Variants in MGAM2 observed in about 807,000 individuals in gnomAD.
MGAM2 encodes the protein maltase-glucoamylase 2 (putative), also known as probable maltase-glucoamylase 2.
In MGAM2, 98 loss-of-function variants were observed where a neutral mutation model predicts 96.1. The ratio of observed to expected loss-of-function variants is 1.02; its 90% CI spans 0.87 to 1.21. The LOEUF (loss-of-function observed/expected upper bound fraction) is 1.21, where lower values mean the gene tolerates loss of function less well. MGAM2 is among the 50% of genes most tolerant of loss of function. MGAM2 has a pLI of 0.00. For synonymous variants in MGAM2, 749 were observed against 414.8 expected, an observed-to-expected ratio of 1.81 and a Z score of -9.79; for missense variants, 2,055 against 1,182.4, an observed-to-expected ratio of 1.74 and a Z score of -10.82.
At chr7:142,165,868 G>A (rs528433200) in intron 24 of MGAM2, among the ~76,000 whole-genome samples, 11 of 152,312 alleles carry the variant, frequency 7.2e-5, no homozygotes, top group African/African-American at 2.6e-4. Flanking sequence ...AGTCCTGCCT[G>A]TGATCTGCAC....
At chr7:142,132,716 T>G (rs1407856373) in intron 6 of MGAM2, among the ~76,000 whole-genome samples, 8 of 125,648 alleles carry the variant, frequency 6.4e-5, no homozygotes, top group Non-Finnish European at 9.3e-5. Context: ...ATAATTAATA[T>G]TAATAATATT....
intron 46 of MGAM2, among the ~76,000 whole-genome samples, chr7:142,209,066 C>T (rs566117497): frequency 6.6e-6 from 1 of 152,226 alleles, no homozygotes; most frequent in South Asian, 2.1e-4. Context: ...CTTGGCTGAT[C>T]TTTGCTAGCT....
At position 142,115,738 on chromosome 7, in the gene MGAM2, G is replaced by A. The variant is rs191023816; in HGVS notation, c.1-1136G>A. ...CGCATGCCTGTAATCCCAGCTACTC[G>A]GGAGGCTGAGGCAGGAGAATTGGGT... On this transcript the variant is annotated intron_variant, in intron 1 of 47. Transcript: ENST00000477922. Among the ~76,000 whole-genome samples the A allele has an allele frequency of 3.6e-3, 545 of 152,184 alleles. 8 individuals are homozygous for A. The highest frequency in any genetic ancestry group is 0.012 in the African/African-American group (504 of 41,516).
chr7:142,118,742 A>C (rs1794459134), intron 2 of MGAM2, among the ~76,000 whole-genome samples: 2 of 152,220 alleles, frequency 1.3e-5, no homozygotes, highest in Admixed American at 6.5e-5. Flanking sequence ...AAGAAAAAAC[A>C]GTAAGAAAAA....
chr7:142,220,893 G>T lies in MGAM2; in HGVS notation c.6382G>T (p.Gly2128Cys), dbSNP rs865818183. ...VLIATTSSLT[G>C]TTDVSTSTTI... is the part of the protein sequence containing the mutation. ...TATTGCCACTACTTCTTCTCTAACAGGTACTACTGATGTTAGCACTAGTAC... is the reference window on the plus strand; with the variant it reads ...TATTGCCACTACTTCTTCTCTAACATGTACTACTGATGTTAGCACTAGTAC... Residue 2128 changes from glycine to cysteine, a missense_variant, in exon 48 of 48, where the codon GGT (glycine) becomes TGT (cysteine). By Grantham distance (159) the Gly-to-Cys change is radical (BLOSUM62 -3). Transcript: ENST00000477922. 1 of 701,786 alleles carries T rather than the reference G, an allele frequency of 1.4e-6. No homozygotes were observed. The highest frequency in any genetic ancestry group is 1.8e-5 in the African/African-American group (1 of 57,046). The allele number at this position is 701,786 out of a possible 1,614,324, so 43.5% of individuals were successfully genotyped here.
At chr7:142,196,352 C>A (rs535050049) in intron 38 of MGAM2, 65 bp downstream of exon 38, 1 of 673,978 alleles carries the variant, frequency 1.5e-6, no homozygotes, top group Admixed American at 2.1e-5. Flanking sequence ...TGCTGTTCAA[C>A]AGCACTGGTT....
intron 6 of MGAM2, 125 bp from the exon 7 acceptor site, chr7:142,133,856 A>G (rs1414635934): frequency 3.9e-6 from 2 of 513,778 alleles, no homozygotes; most frequent in Admixed American, 6.9e-5. Flanking sequence ...CTTCAAAGGT[A>G]GCAAGAAAAT....
At chr7:142,203,705 C>T (rs1371190454) in intron 45 of MGAM2, among the ~76,000 whole-genome samples, 1 of 152,026 alleles carries the variant, frequency 6.6e-6, no homozygotes, top group Non-Finnish European at 1.5e-5. Flanking sequence ...ACACCTACAA[C>T]CATCTAATCT....
intron 15 of MGAM2, among the ~76,000 whole-genome samples, chr7:142,153,631 A>C (rs985752909): frequency 2.0e-5 from 3 of 152,220 alleles, no homozygotes; most frequent in Non-Finnish European, 4.4e-5. Flanking sequence ...AGGATTATGC[A>C]TGGCAGAAAT....
rs575370147 is a variant in MGAM2, at chr7:142,211,057, G to A, written c.5187+2435G>A. On this transcript the variant is annotated intron_variant, in intron 46 of 47. Coordinates refer to ENST00000477922, the MANE Select transcript of MGAM2 (RefSeq NM_001293626.2). ...GATACCCAGGCAAACATGGTCTGGA[G>A]TGGACCTCCAGCAAACTCCAGCAGA... is the stretch of plus-strand genomic sequence containing the variant. Among the ~76,000 whole-genome samples the A allele has an allele frequency of 2.6e-5, 4 of 152,300 alleles. No homozygotes were observed. The East Asian group carries it at 5.8e-4, about 22-fold the overall frequency.
intron 15 of MGAM2, among the ~76,000 whole-genome samples, chr7:142,149,385 T>C (rs1438088004): frequency 6.6e-6 from 1 of 152,250 alleles, no homozygotes; most frequent in East Asian, 1.9e-4. Flanking sequence ...TTACAGTCTA[T>C]GCCAACACAT....
chr7:142,124,160 G>C lies in MGAM2; in HGVS notation c.186+3779G>C, dbSNP rs142631102. 7.7e-3 allele frequency among the ~76,000 whole-genome samples: 1,167 copies of C among 151,956 alleles called. 22 individuals are homozygous for C. Among genetic ancestry groups the C allele is most frequent in the African/African-American group, 0.026 (1,095 of 41,410 alleles). On this transcript the variant is annotated intron_variant, in intron 3 of 47. Coordinates refer to ENST00000477922, the MANE Select transcript of MGAM2 (RefSeq NM_001293626.2). ...GCTAATTTTTTGTATTTTTAGTAGA[G>C]ATGAGGTTTCACCATTTTTGTCAGG...
In MGAM2 at chr7:142,216,640, G is replaced by T. The variant is rs1021181290; in HGVS notation, c.5188-1721G>T. On this transcript the variant is annotated intron_variant, in intron 46 of 47. Coordinates refer to ENST00000477922, the MANE Select transcript of MGAM2 (RefSeq NM_001293626.2). The stretch of plus-strand genomic sequence containing the variant: ...CTTAACCAATTTCAAGCATCAGCTG[G>T]CTTGCAAAATTCTAGGAAATTTAAA... Among the ~76,000 whole-genome samples, 2 of 152,076 alleles carry T rather than the reference G, an allele frequency of 1.3e-5. 1 individual carries two copies. Among genetic ancestry groups the T allele is most frequent in the African/African-American group, 4.8e-5 (2 of 41,414 alleles).
intron 31 of MGAM2, among the ~76,000 whole-genome samples, chr7:142,174,715 C>CTTTTTTT (rs34480300): frequency 0.021 from 1,811 of 85,306 alleles, 269 homozygotes; most frequent in African/African-American, 0.04. Flanking sequence ...CTCTCTCTCT[C>CTTTTTTT]TTTTTTTTTT....
At chr7:142,128,999 C>A (rs769350285) in intron 3 of MGAM2, among the ~76,000 whole-genome samples, 8 of 152,200 alleles carry the variant, frequency 5.3e-5, no homozygotes, top group Non-Finnish European at 1.0e-4. Flanking sequence ...AATGCCAGCC[C>A]ATGAAAGCAG....
chr7:142,169,370 C>T (rs576355921), intron 26 of MGAM2, among the ~76,000 whole-genome samples: 81 of 151,762 alleles, frequency 5.3e-4, no homozygotes, highest in African/African-American at 1.5e-3. Context: ...CGCAGTAAGC[C>T]GAGATCGCAC....
chr7:142,140,739 G>A (rs1795196004), intron 10 of MGAM2, 63 bp from the exon 11 acceptor site: 3 of 631,922 alleles, frequency 4.7e-6, no homozygotes, highest in Non-Finnish European at 8.4e-6. Flanking sequence ...AACCAGAGCT[G>A]TAATACTTTC....
chr7:142,143,880 A>G lies in MGAM2; in HGVS notation c.1429A>G (p.Ile477Val), dbSNP rs1216744645. ...HDHLEFDGVWIEMNEVSSLLQ... is the reference protein window; with the variant it reads ...HDHLEFDGVWVEMNEVSSLLQ... The stretch of plus-strand genomic sequence containing the variant: ...TCATCTGGAGTTTGATGGAGTGTGG[A>G]TTGTAAGTTATTATTCCTGACTCAA... Residue 477 changes from isoleucine to valine, a missense_variant and splice_region_variant, in exon 13 of 48, where the codon ATT becomes GTT. Transcript: ENST00000477922. 1.6e-5 allele frequency: 11 copies of G among 702,572 alleles called. No homozygotes were observed. Among genetic ancestry groups the G allele is most frequent in the Admixed American group, 1.4e-4 (7 of 49,976 alleles). 43.5% of individuals were successfully genotyped at this position (702,572 alleles called of 1,614,324 possible).
Position 142,173,235 on chromosome 7 carries a change from G to A in MGAM2, c.3568G>A (p.Gly1190Ser). The A allele has an allele frequency of 1.4e-6, 1 of 702,832 alleles. No individual in the cohort carries two copies. Among genetic ancestry groups the A allele is most frequent in the South Asian group, 1.5e-5 (1 of 67,566 alleles). The allele number at this position is 702,832 out of a possible 1,614,324, so 43.5% of individuals were successfully genotyped here. Residue 1190 changes from glycine (G) to serine (S), a missense_variant, in exon 31 of 48, where the codon GGT becomes AGT. Physicochemically the swap from Gly to Ser is moderately conservative, Grantham distance 56 (BLOSUM62 0). Coordinates refer to ENST00000477922, the MANE Select transcript of MGAM2 (RefSeq NM_001293626.2). ...ATTTTTCTTTTTATTCTAGTTGATT[G>A]GTCGGCCAGCAATGATTCCATACTG... ...LVTQQYTELI[G>S]RPAMIPYWAL...
Sources: allele counts gnomAD v4.1 joint callset (sites outside exome capture counted in the v4.1 genomes callset), GRCh38; gene constraint gnomAD v4.1.1; transcripts MANE v1.5; gene names NCBI Gene and HGNC (gene_info 2026-07-23, HGNC 2026-07-21).